Variants in A2M observed in about 807,000 individuals in gnomAD.
A2M encodes the protein alpha-2-macroglobulin.
A neutral mutation model predicts 183.9 loss-of-function variants in A2M; 128 were observed. The ratio of observed to expected loss-of-function variants is 0.70; its 90% CI spans 0.60 to 0.81. The LOEUF is 0.81. Among genes scored for constraint, A2M ranks in the 30% least tolerant of loss-of-function variants. A2M has a pLI of 0.00. For missense variants in A2M, 1,495 were observed against 1,787.6 expected, an observed-to-expected ratio of 0.84 and a Z score of 2.95; for synonymous variants, 592 against 670.8, an observed-to-expected ratio of 0.88 and a Z score of 1.81.
chr12:9,074,836 C>A, intron 28 of A2M, 53 bp from the exon 29 acceptor site: 24 of 1,532,214 alleles, frequency 1.6e-5, no homozygotes, highest in Non-Finnish European at 2.1e-5. Context: ...ATATTTAATT[C>A]AAGGTGAAAG....
intron 33 of A2M, 112 bp downstream of exon 33, chr12:9,069,633 C>A: frequency 2.8e-6 from 2 of 716,312 alleles, no homozygotes; most frequent in Non-Finnish European, 2.3e-6. Context: ...CATTAGAATT[C>A]TCAAATTTCT....
intron 5 of A2M, 67 bp from the exon 6 acceptor site, chr12:9,110,102 A>G (rs1306749063): frequency 2.0e-6 from 3 of 1,516,044 alleles, no homozygotes; most frequent in African/African-American, 2.8e-5. Context: ...AAAGATATCT[A>G]TGGAAACCCT....
chr12:9,112,402 T>G lies in A2M; in HGVS notation c.405A>C (p.Lys135Asn). The G allele has an allele frequency of 6.2e-7, 1 of 1,614,022 alleles. No homozygotes were observed. Among genetic ancestry groups the G allele is most frequent in the Non-Finnish European group, 8.5e-7 (1 of 1,179,900 alleles). ...CTGTCTGCCCTGGTTTGTAGATTGA[T>G]TTGTCTGTCTGGACAAAGACCAGAC... ...EDSLVFVQTD[K>N]SIYKPGQTVK... The change falls in exon 3 of 36, where the codon AAA (lysine) becomes AAC (asparagine). Residue 135 changes from lysine to asparagine, a missense_variant. Lys to Asn is a moderately conservative substitution (Grantham distance 94). Transcript: ENST00000318602.
chr12:9,095,611 A>T lies in A2M; in HGVS notation c.1941T>A (p.Asn647Lys). The T allele has an allele frequency of 6.2e-7, 1 of 1,611,782 alleles. No individual in the cohort carries two copies. The highest frequency in any genetic ancestry group is 8.5e-7 in the Non-Finnish European group (1 of 1,177,890). Residue 647 changes from asparagine (N) to lysine (K), a missense_variant, in exon 16 of 36, where the codon AAT (asparagine) becomes AAA (lysine). Transcript: ENST00000318602. ...QDNEDCINRH[N>K]VYINGITYTP... Reference sequence around the variant, plus strand: ...TATATGTGATTCCATTAATATAGACATTATGACGATTGATGCAGTCTTCAT... The same window carrying T: ...TATATGTGATTCCATTAATATAGACTTTATGACGATTGATGCAGTCTTCAT...
Position 9,074,758 on chromosome 12 carries a change from AG to A in A2M, c.3557del (p.Pro1186LeufsTer23), listed in dbSNP as rs752311131. On this transcript the variant is annotated frameshift_variant, in exon 29 of 36. Coordinates refer to ENST00000318602, the MANE Select transcript of A2M (RefSeq NM_000014.6). LOFTEE classifies it high-confidence loss of function. ...GCCCCACTGGTGCCTTGGGTTTCTGAGGGCGCTCCCAATGGACAGAGTTGTC... is the reference window on the plus strand; with the variant it reads ...GCCCCACTGGTGCCTTGGGTTTCTGAGGCGCTCCCAATGGACAGAGTTGTC... ...KKDNSVHWER[P>X]QKPKAPVGHF... is the part of the protein sequence containing the mutation. 1.2e-6 allele frequency: 2 copies of A among 1,613,232 alleles called. No individual in the cohort carries two copies. The highest frequency in any genetic ancestry group is 1.7e-6 in the Non-Finnish European group (2 of 1,179,642).
intron 28 of A2M, among the ~76,000 whole-genome samples, chr12:9,076,308 T>C (rs774936288): frequency 6.6e-6 from 1 of 152,338 alleles, no homozygotes; most frequent in African/African-American, 2.4e-5. Flanking sequence ...ATTCATTTAT[T>C]ACAACAGCTC....
rs779381926 is a variant in A2M, at chr12:9,114,792, A to C, written c.86+972T>G. ...AATTTAACTTTAACTCCTCTTTTAA[A>C]TAGAATGTAACCATAAATTTATAAA... On this transcript the variant is annotated intron_variant, in intron 1 of 35. Coordinates refer to ENST00000318602, the MANE Select transcript of A2M (RefSeq NM_000014.6). Among the ~76,000 whole-genome samples the C allele has an allele frequency of 9.9e-5, 15 of 152,264 alleles. No homozygotes were observed. In the South Asian group the frequency reaches 3.1e-3, roughly 32 times the overall value.
intron 2 of A2M, among the ~76,000 whole-genome samples, chr12:9,113,105 CTT>C (rs11463805): frequency 0.013 from 1,878 of 143,846 alleles, 38 homozygotes; most frequent in African/African-American, 0.044. Context: ...GTCACATTTT[CTT>C]TTTTTTTTTT....
chr12:9,111,954 G>T, intron 4 of A2M: 1 of 735,252 alleles, frequency 1.4e-6, no homozygotes, highest in Non-Finnish European at 2.5e-6. Flanking sequence ...ACAACTGACT[G>T]AGTACCAGCA....
chr12:9,091,462 A>G (rs1324658553), intron 18 of A2M, 33 bp from the exon 19 acceptor site: 1 of 1,609,800 alleles, frequency 6.2e-7, no homozygotes, highest in Admixed American at 1.7e-5. Flanking sequence ...AACAGAAAGT[A>G]AGCAGTTAAA....
In A2M at chr12:9,072,777, C is replaced by G. The variant is rs1948617160; in HGVS notation, c.3851G>C (p.Gly1284Ala). ...KAAQVTIQSS[G>A]TFSSKFQVDN... is the part of the protein sequence containing the mutation. ...CACTTGGAATTTGCTGGAAAATGTC[C>G]CTGAAGACTGGATAGTCACCTGTGC... The change falls in exon 30 of 36, where the codon GGG becomes GCG. Residue 1284 changes from glycine to alanine, a missense_variant. Physicochemically the swap from Gly to Ala is moderately conservative, Grantham distance 60. Coordinates refer to ENST00000318602, the MANE Select transcript of A2M (RefSeq NM_000014.6). The G allele has an allele frequency of 1.2e-6, 2 of 1,614,132 alleles. No homozygotes were observed. Among genetic ancestry groups the G allele is most frequent in the East Asian group, 4.5e-5 (2 of 44,884 alleles).
At chr12:9,079,042 T>C (rs1805651) in intron 25 of A2M, among the ~76,000 whole-genome samples, 44,159 of 151,782 alleles carry the variant, frequency 0.29, 7,079 homozygotes, top group Admixed American at 0.35. Context: ...AGGATCCATT[T>C]TGGAAACAAG....
At chr12:9,097,111 A>C (rs1376483978) in intron 15 of A2M, among the ~76,000 whole-genome samples, 4 of 152,206 alleles carry the variant, frequency 2.6e-5, no homozygotes, top group Admixed American at 2.0e-4. Flanking sequence ...TATAATTTGA[A>C]AAATTCTTTG....
chr12:9,110,325 C>T lies in A2M; in HGVS notation c.493G>A (p.Val165Ile), dbSNP rs758861616. 5.5e-6 allele frequency: 8 copies of T among 1,445,864 alleles called. No homozygotes were observed. The highest frequency in any genetic ancestry group is 7.4e-6 in the Non-Finnish European group (8 of 1,074,988). The allele number at this position is 1,445,864 out of a possible 1,614,324, so 89.6% of individuals were successfully genotyped here. ...TTCATGTTGCTTACCTGAATGTATA[C>T]TAGTGGAATCTGAAAGACAAAAGAA... is the stretch of plus-strand genomic sequence containing the variant. ...FHPLNELIPL[V>I]YIQDPKGNRI... is the part of the protein sequence containing the mutation. The change falls in exon 5 of 36, where the codon GTA (valine) becomes ATA (isoleucine). Residue 165 changes from valine (V) to isoleucine (I), a missense_variant. Physicochemically the swap from Val to Ile is conservative, Grantham distance 29. Transcript: ENST00000318602.
intron 18 of A2M, among the ~76,000 whole-genome samples, chr12:9,091,955 T>TA (rs1290043479): frequency 1.3e-5 from 2 of 152,360 alleles, no homozygotes; most frequent in East Asian, 3.9e-4. Context: ...CTGATGTATT[T>TA]ATGTTAAACA....
In A2M at chr12:9,071,986, TCTAA is replaced by T. The variant is rs1260653557; in HGVS notation, c.4103+369_4103+372del. Among the ~76,000 whole-genome samples, 4 of 152,310 alleles carry T rather than the reference TCTAA, an allele frequency of 2.6e-5. No homozygotes were observed. In the East Asian group the frequency reaches 5.8e-4, roughly 22 times the overall value. ...GAGATTTATTATTGCCAGTAGGAAT[TCTAA>T]CTAAGGAGTCACTACTTCCTTCTAT... On this transcript the variant is annotated intron_variant, in intron 31 of 35. Transcript: ENST00000318602.
chr12:9,115,915 G>T lies in A2M; in HGVS notation c.-66C>A, dbSNP rs768408845. ...TACCCTACTCCCTACAATCCATCTG[G>T]TCCCAAACACTTCCCAAAGCAACTG... On this transcript the variant is annotated 5_prime_UTR_variant, in exon 1 of 36. Coordinates refer to ENST00000318602, the MANE Select transcript of A2M (RefSeq NM_000014.6). The T allele has an allele frequency of 1.5e-5, 20 of 1,368,102 alleles. No individual in the cohort carries two copies. Among genetic ancestry groups the T allele is most frequent in the Non-Finnish European group, 2.0e-5 (19 of 957,998 alleles). The allele number at this position is 1,368,102 out of a possible 1,614,324, so 84.7% of individuals were successfully genotyped here.
upstream of A2M, chr12:9,115,977 A>C: frequency 1.3e-6 from 1 of 773,170 alleles, no homozygotes; most frequent in Non-Finnish European, 2.3e-6. Flanking sequence ...AGGAAGTTCC[A>C]CCCACACAAG....
In A2M at chr12:9,101,453, A is replaced by G. The variant is rs1473120674; in HGVS notation, c.1488T>C (p.Tyr496=). 1 of 1,611,830 alleles carries G rather than the reference A, an allele frequency of 6.2e-7. No homozygotes were observed. Among genetic ancestry groups the G allele is most frequent in the African/African-American group, 1.3e-5 (1 of 74,860 alleles). The change falls in exon 12 of 36, where the codon TAT becomes TAC. Residue 496 remains tyrosine, a synonymous_variant. Coordinates refer to ENST00000318602, the MANE Select transcript of A2M (RefSeq NM_000014.6). The part of the protein sequence containing the change: ...TLLGLKKLSF[Y]YLIMAKGGIV... Reference sequence around the variant, plus strand: ...CAGTAACCTCCCTTCTCACCAGATAATAGAAGGAGAGCTTCTTCAGCCCCA... The same window carrying G: ...CAGTAACCTCCCTTCTCACCAGATAGTAGAAGGAGAGCTTCTTCAGCCCCA...
Sources: allele counts gnomAD v4.1 joint callset (sites outside exome capture counted in the v4.1 genomes callset), GRCh38; gene constraint gnomAD v4.1.1; transcripts MANE v1.5; gene names NCBI Gene and HGNC (gene_info 2026-07-23, HGNC 2026-07-21).